DNAJC1: variants seen among roughly 807,000 people sequenced by gnomAD.
DNAJC1 encodes the protein dnaJ homolog subfamily C member 1.
Under a neutral mutation model 76.6 loss-of-function variants are expected in DNAJC1, and 58 were observed. The observed-to-expected ratio is 0.76, with a 90% CI of 0.61 to 0.94. The LOEUF (loss-of-function observed/expected upper bound fraction) is 0.94. Among genes scored for constraint, DNAJC1 ranks in the 40% least tolerant of loss-of-function variants. The probability of loss-of-function intolerance (pLI) is 0.00; values close to 1 mark genes in which losing one functional copy is unlikely to be tolerated. For missense variants in DNAJC1, 689 were observed against 677.3 expected, an observed-to-expected ratio of 1.02 and a Z score of -0.19; for synonymous variants, 258 against 267.9, an observed-to-expected ratio of 0.96 and a Z score of 0.36.
At chr10:21,836,253 A>T (rs1418952477) in intron 8 of DNAJC1, among the ~76,000 whole-genome samples, 1 of 152,180 alleles carries the variant, frequency 6.6e-6, no homozygotes, top group Non-Finnish European at 1.5e-5. Context: ...GAGAAATAAA[A>T]TCCTTTACAG....
At chr10:21,998,357 T>G (rs1838453638) in intron 1 of DNAJC1, among the ~76,000 whole-genome samples, 1 of 123,084 alleles carries the variant, frequency 8.1e-6, no homozygotes, top group African/African-American at 3.2e-5. Context: ...GCCACTGCAC[T>G]CCAGCCTGGG....
chr10:21,833,625 T>G (rs374844258), intron 8 of DNAJC1, among the ~76,000 whole-genome samples: 2 of 152,178 alleles, frequency 1.3e-5, no homozygotes, highest in African/African-American at 4.8e-5. Flanking sequence ...AAGAAAATAA[T>G]AGCATCTACC....
chr10:21,934,398 A>C (rs1205766071), intron 1 of DNAJC1, among the ~76,000 whole-genome samples: 2 of 152,160 alleles, frequency 1.3e-5, no homozygotes, highest in African/African-American at 4.8e-5. Context: ...TGAAGAGATC[A>C]CATATTTTTA....
intron 9 of DNAJC1, among the ~76,000 whole-genome samples, chr10:21,774,894 C>G (rs1467659666): frequency 1.3e-5 from 2 of 152,186 alleles, no homozygotes; most frequent in Non-Finnish European, 2.9e-5. Context: ...ATTCACCTAG[C>G]ACTGATATTC....
rs535145229 is a variant in DNAJC1, at chr10:21,962,854, A to G, written c.223-33713T>C. The stretch of plus-strand genomic sequence containing the variant: ...AAAATATTGAAAAAGATCATATAAC[A>G]ATTAAACGGGAAAACCAGGTTTCTA... On this transcript the variant is annotated intron_variant, in intron 1 of 11. Transcript: ENST00000376980. Among the ~76,000 whole-genome samples the G allele has an allele frequency of 4.6e-5, 7 of 152,020 alleles. No homozygotes were observed. In the East Asian group the frequency reaches 1.2e-3, roughly 25 times the overall value.
intron 8 of DNAJC1, among the ~76,000 whole-genome samples, chr10:21,850,276 A>T (rs1481408592): frequency 6.6e-6 from 1 of 152,186 alleles, no homozygotes; most frequent in Non-Finnish European, 1.5e-5. Context: ...TATAGGTACA[A>T]AAATCAATAC....
chr10:21,986,927 C>T (rs1350899202), intron 1 of DNAJC1, among the ~76,000 whole-genome samples: 1 of 152,014 alleles, frequency 6.6e-6, no homozygotes, highest in Non-Finnish European at 1.5e-5. Context: ...GCCACCACAC[C>T]CAACAATTTT....
At chr10:21,981,856 G>A (rs557500790) in intron 1 of DNAJC1, among the ~76,000 whole-genome samples, 5 of 152,080 alleles carry the variant, frequency 3.3e-5, no homozygotes, top group African/African-American at 9.6e-5. Flanking sequence ...CCTTTGCATC[G>A]TCCAATTTTA....
At chr10:21,878,936 G>T (rs568449054) in intron 8 of DNAJC1, among the ~76,000 whole-genome samples, 1 of 151,942 alleles carries the variant, frequency 6.6e-6, no homozygotes, top group Non-Finnish European at 1.5e-5. Context: ...TATTTATAAA[G>T]TATTATACAG....
intron 9 of DNAJC1, among the ~76,000 whole-genome samples, chr10:21,794,078 C>G (rs1318643042): frequency 6.6e-6 from 1 of 152,006 alleles, no homozygotes; most frequent in African/African-American, 2.4e-5. Context: ...AGTTTGAGAC[C>G]AGCCTTGGCA....
chr10:21,796,799 T>A (rs1487843027), intron 9 of DNAJC1, among the ~76,000 whole-genome samples: 1 of 152,202 alleles, frequency 6.6e-6, no homozygotes, highest in East Asian at 1.9e-4. Flanking sequence ...ATGAGGTTAT[T>A]TTTTTGCTCT....
chr10:21,882,537 A>C, intron 7 of DNAJC1, 98 bp from the exon 8 acceptor site: 1 of 777,628 alleles, frequency 1.3e-6, no homozygotes, highest in Admixed American at 3.9e-5. Context: ...AGAAAACATC[A>C]AAATATAATT....
intron 6 of DNAJC1, among the ~76,000 whole-genome samples, chr10:21,908,259 ATATATATATTT>A (rs1836791380): frequency 8.7e-6 from 1 of 114,680 alleles, no homozygotes; most frequent in South Asian, 2.4e-4. Flanking sequence ...GAGAAAATAT[ATATATATATTT>A]TATATATATA....
intron 6 of DNAJC1, among the ~76,000 whole-genome samples, chr10:21,909,094 G>T (rs1836810508): frequency 6.6e-6 from 1 of 152,080 alleles, no homozygotes; most frequent in African/African-American, 2.4e-5. Flanking sequence ...TGCCATGTTG[G>T]CCAGGCTGGT....
chr10:21,757,313 G>A (rs555711859), intron 11 of DNAJC1, among the ~76,000 whole-genome samples: 3 of 152,300 alleles, frequency 2.0e-5, no homozygotes, highest in Admixed American at 1.3e-4. Context: ...GCTGGCCACA[G>A]CTGTCACACC....
At chr10:21,831,789 CA>C (rs141184526) in intron 8 of DNAJC1, among the ~76,000 whole-genome samples, 1,332 of 111,310 alleles carry the variant, frequency 0.012, 11 homozygotes, top group African/African-American at 0.027. Context: ...GACTCCATCT[CA>C]AAAAAAAAAA....
chr10:21,827,566 A>G (rs1019318801), intron 8 of DNAJC1, among the ~76,000 whole-genome samples: 12 of 152,188 alleles, frequency 7.9e-5, no homozygotes, highest in African/African-American at 2.7e-4. Context: ...CTCGTCAGCA[A>G]TCCTTGGTGT....
chr10:21,908,735 C>T (rs1236039070), intron 6 of DNAJC1, among the ~76,000 whole-genome samples: 1 of 151,940 alleles, frequency 6.6e-6, no homozygotes, highest in Non-Finnish European at 1.5e-5. Context: ...CTCTGAACTG[C>T]CTGCCTCATA....
At chr10:21,995,229 A>C (rs1838397228) in intron 1 of DNAJC1, among the ~76,000 whole-genome samples, 1 of 152,168 alleles carries the variant, frequency 6.6e-6, no homozygotes, top group Admixed American at 6.5e-5. Flanking sequence ...AGAAATAAGA[A>C]GTTTCTACCT....
Sources: gnomAD v4.1 joint callset for allele counts (sites outside exome capture counted in the v4.1 genomes callset) on GRCh38, gnomAD v4.1.1 for gene constraint, MANE v1.5 for transcripts, NCBI Gene and HGNC (gene_info 2026-07-23, HGNC 2026-07-21) for gene names.